SH3BGRL2: variants seen among roughly 807,000 people sequenced by gnomAD.
The protein encoded by SH3BGRL2 is SH3 domain-binding glutamic acid-rich-like protein 2.
A neutral mutation model predicts 14.8 loss-of-function variants in SH3BGRL2; 21 were observed. The ratio of observed to expected loss-of-function variants is 1.42; its 90% CI spans 1.01 to 2.05. The LOEUF is 2.05. Ranked by LOEUF, SH3BGRL2 falls within the 30% of genes most tolerant of loss-of-function variation. The pLI, the probability that SH3BGRL2 is intolerant of heterozygous loss-of-function variation, is 0.00. For synonymous variants in SH3BGRL2, 50 were observed against 47.8 expected (o/e 1.05, Z -0.19); for missense variants, 147 against 130.8 (o/e 1.12, Z -0.61).
chr6:79,633,382 C>G (rs1212926283), intron 1 of SH3BGRL2, among the ~76,000 whole-genome samples: 1 of 152,088 alleles, frequency 6.6e-6, no homozygotes, highest in Non-Finnish European at 1.5e-5. Context: ...ATAACAGCTT[C>G]TTTTGCTTGA....
intron 1 of SH3BGRL2, among the ~76,000 whole-genome samples, chr6:79,652,162 G>A (rs115594263): frequency 2.1e-3 from 324 of 152,240 alleles, no homozygotes; most frequent in African/African-American, 7.0e-3. Context: ...TAGGAAGTAT[G>A]GACAATATGG....
upstream of SH3BGRL2, among the ~76,000 whole-genome samples, chr6:79,629,091 T>C (rs1331330107): frequency 6.6e-6 from 1 of 152,226 alleles, no homozygotes; most frequent in East Asian, 1.9e-4. Flanking sequence ...TAAAACTTTA[T>C]TTACAAAGCA....
At chr6:79,591,823 C>G in the SH3BGRL2 span, among the ~76,000 whole-genome samples, 2 of 152,158 alleles carry the variant, frequency 1.3e-5, no homozygotes, top group Non-Finnish European at 2.9e-5. Flanking sequence ...AATTCTAGCT[C>G]AGATTCATGA....
chr6:79,558,702 A>T, the SH3BGRL2 span, among the ~76,000 whole-genome samples: 3 of 115,576 alleles, frequency 2.6e-5, no homozygotes, highest in Non-Finnish European at 5.1e-5. Flanking sequence ...CCATCTCTAT[A>T]AAAAAAAAAA....
rs983770941 is a variant in SH3BGRL2 at position 79,673,785 on chromosome 6, G to A, written c.217G>A (p.Asp73Asn). Residue 73 changes from aspartate (D) to asparagine (N), a missense_variant, in exon 2 of 4, where the codon GAC becomes AAC. Physicochemically the swap from Asp to Asn is conservative, Grantham distance 23. Coordinates refer to ENST00000369838, the MANE Select transcript of SH3BGRL2 (RefSeq NM_031469.4). The part of the protein sequence containing the change: ...NPLPPQIFNG[D>N]RYCGDYDSFF... ...CCTGCCACCTCAGATATTTAATGGC[G>A]ACCGATACTGTGGAGTAAGTGGCTA... 20 of 1,613,636 alleles carry A rather than the reference G, an allele frequency of 1.2e-5. No individual in the cohort carries two copies. Among genetic ancestry groups the A allele is most frequent in the South Asian group, 9.9e-5 (9 of 91,030 alleles).
At chr6:79,627,520 G>C (rs1314262369), upstream of SH3BGRL2, among the ~76,000 whole-genome samples, 1 of 152,122 alleles carries the variant, frequency 6.6e-6, no homozygotes, top group Non-Finnish European at 1.5e-5. Context: ...GAAACTTGAG[G>C]CTTATGGAGG....
chr6:79,590,148 A>T, the SH3BGRL2 span, among the ~76,000 whole-genome samples: 1 of 152,194 alleles, frequency 6.6e-6, no homozygotes, highest in African/African-American at 2.4e-5. Context: ...AGTCAAAAAA[A>T]TAACAAATGC....
the SH3BGRL2 span, among the ~76,000 whole-genome samples, chr6:79,585,052 T>A: frequency 3.8e-3 from 530 of 140,934 alleles, 9 homozygotes; most frequent in African/African-American, 0.011. Flanking sequence ...ACCTTTTTTT[T>A]TTAAAAAAAA....
chr6:79,647,076 G>T (rs1213447003), intron 1 of SH3BGRL2, among the ~76,000 whole-genome samples: 1 of 152,160 alleles, frequency 6.6e-6, no homozygotes, highest in Admixed American at 6.5e-5. Flanking sequence ...TTGGTGGTTT[G>T]TATGATAATG....
intron 2 of SH3BGRL2, among the ~76,000 whole-genome samples, chr6:79,695,327 C>T (rs773793049): frequency 5.3e-5 from 8 of 152,212 alleles, no homozygotes; most frequent in East Asian, 1.9e-4. Flanking sequence ...TTCCAAACCA[C>T]GAGACTCAAT....
At chr6:79,559,663 G>A in the SH3BGRL2 span, among the ~76,000 whole-genome samples, 3 of 152,142 alleles carry the variant, frequency 2.0e-5, no homozygotes, top group Non-Finnish European at 4.4e-5. Flanking sequence ...AGAAGGAAAA[G>A]TAAAGGCGTT....
At chr6:79,686,298 T>C (rs1468366067) in intron 2 of SH3BGRL2, among the ~76,000 whole-genome samples, 6 of 152,218 alleles carry the variant, frequency 3.9e-5, no homozygotes, top group African/African-American at 1.4e-4. Flanking sequence ...GAGCAAGTTC[T>C]GTTATTTCTT....
chr6:79,597,758 A>G, the SH3BGRL2 span, among the ~76,000 whole-genome samples: 2 of 152,216 alleles, frequency 1.3e-5, no homozygotes, highest in South Asian at 2.1e-4. Flanking sequence ...GAAGAGATAA[A>G]TTGGACATCC....
At chr6:79,656,425 C>T (rs1171482881) in intron 1 of SH3BGRL2, among the ~76,000 whole-genome samples, 8 of 152,180 alleles carry the variant, frequency 5.3e-5, no homozygotes, top group East Asian at 1.9e-4. Flanking sequence ...CTAGAATCCA[C>T]TCTTCCAGGC....
At chr6:79,685,025 A>C (rs1770064282) in intron 2 of SH3BGRL2, among the ~76,000 whole-genome samples, 2 of 152,214 alleles carry the variant, frequency 1.3e-5, no homozygotes, top group African/African-American at 4.8e-5. Flanking sequence ...CAATGTAATT[A>C]GATATTCTCT....
At chr6:79,568,439 C>G in the SH3BGRL2 span, among the ~76,000 whole-genome samples, 2 of 152,132 alleles carry the variant, frequency 1.3e-5, no homozygotes, top group South Asian at 4.1e-4. Flanking sequence ...GTGAATGACT[C>G]TCTCAGACAT....
intron 2 of SH3BGRL2, among the ~76,000 whole-genome samples, chr6:79,684,540 T>C (rs1045989208): frequency 3.3e-5 from 5 of 152,086 alleles, no homozygotes; most frequent in African/African-American, 1.2e-4. Flanking sequence ...TGTTTTCAGC[T>C]CAGGTGTTTT....
At chr6:79,687,668 C>T (rs554766563) in intron 2 of SH3BGRL2, among the ~76,000 whole-genome samples, 19 of 152,290 alleles carry the variant, frequency 1.2e-4, no homozygotes, top group Non-Finnish European at 2.1e-4. Context: ...GGCTACCCTT[C>T]GGCTTGAAAG....
intron 2 of SH3BGRL2, among the ~76,000 whole-genome samples, chr6:79,683,051 G>C (rs1482182335): frequency 3.9e-5 from 6 of 152,144 alleles, no homozygotes; most frequent in Non-Finnish European, 8.8e-5. Flanking sequence ...GGCCTGTCGA[G>C]CGGGGGAGCT....
Sources: allele counts gnomAD v4.1 joint callset (sites outside exome capture counted in the v4.1 genomes callset), GRCh38; gene constraint gnomAD v4.1.1; transcripts MANE v1.5; gene names NCBI Gene and HGNC (gene_info 2026-07-23, HGNC 2026-07-21).